Variants in FRMD6 observed in about 807,000 individuals in gnomAD.
FRMD6 encodes the protein FERM domain-containing protein 6.
FRMD6 carries 37 observed loss-of-function variants against 73.2 expected under a neutral mutation model. That is an observed-to-expected ratio of 0.51 (90% CI 0.39 to 0.66). The LOEUF (loss-of-function observed/expected upper bound fraction) is 0.66, where lower values mean the gene tolerates loss of function less well. Among genes scored for constraint, FRMD6 ranks in the 30% least tolerant of loss-of-function variants. FRMD6 has a pLI of 0.00. For synonymous variants in FRMD6, 273 were observed against 282.2 expected (o/e 0.97, Z 0.33); for missense variants, 714 against 780.5 (o/e 0.91, Z 1.02).
intron 2 of FRMD6, among the ~76,000 whole-genome samples, chr14:51,571,001 A>G (rs1465506300): frequency 6.6e-6 from 1 of 152,216 alleles, no homozygotes; most frequent in Admixed American, 6.5e-5. Flanking sequence ...AGCTTTGAGG[A>G]GGAAAATAGT....
the FRMD6 span, among the ~76,000 whole-genome samples, chr14:51,459,661 A>G: frequency 2.6e-4 from 39 of 151,900 alleles, no homozygotes; most frequent in Middle Eastern, 3.2e-3. Flanking sequence ...CCCCGTCTCC[A>G]CTAAAAATAC....
chr14:51,655,010 TCTC>T (rs1393536745), intron 1 of FRMD6, among the ~76,000 whole-genome samples: 45 of 151,676 alleles, frequency 3.0e-4, no homozygotes, highest in African/African-American at 1.0e-3. Flanking sequence ...AAATTTTGGC[TCTC>T]ATTTTTGCAA....
chr14:51,623,237 T>A lies in FRMD6; in HGVS notation c.-147+52827T>A, dbSNP rs145803393. On this transcript the variant is annotated intron_variant, in intron 2 of 14. Transcript: ENST00000356218. ...TTAAAACAAAACAAAATAAAAATAATCTTGGTGGAATTCTTGATCATATGT... is the reference window on the plus strand; with the variant it reads ...TTAAAACAAAACAAAATAAAAATAAACTTGGTGGAATTCTTGATCATATGT... Among the ~76,000 whole-genome samples, 3 of 152,282 alleles carry A rather than the reference T, an allele frequency of 2.0e-5. No homozygotes were observed. In the East Asian group the frequency reaches 5.8e-4, roughly 29 times the overall value.
chr14:51,660,104 G>A (rs1296641776), intron 1 of FRMD6, among the ~76,000 whole-genome samples: 2 of 152,182 alleles, frequency 1.3e-5, no homozygotes, highest in African/African-American at 4.8e-5. Flanking sequence ...TTGATTGTGT[G>A]TGTAAAATCT....
At chr14:51,577,099 G>A (rs916596248) in intron 2 of FRMD6, among the ~76,000 whole-genome samples, 1 of 152,106 alleles carries the variant, frequency 6.6e-6, no homozygotes, top group Non-Finnish European at 1.5e-5. Flanking sequence ...AATAACTGTT[G>A]CAAGGCATAG....
chr14:51,684,910 G>A lies in FRMD6; in HGVS notation c.-146-4781G>A, dbSNP rs182834464. ...ACCCTCCTCTGAGAAGAGCTGAGTA[G>A]AGGAGACAGACAACTGAGGAGTACT... is the stretch of plus-strand genomic sequence containing the variant. On this transcript the variant is annotated intron_variant, in intron 1 of 13. Coordinates refer to ENST00000344768, the MANE Select transcript of FRMD6 (RefSeq NM_001267046.2). Among the ~76,000 whole-genome samples the A allele has an allele frequency of 1.7e-3, 254 of 152,288 alleles. 1 individual carries two copies. The highest frequency in any genetic ancestry group is 5.5e-3 in the African/African-American group (229 of 41,564).
intron 2 of FRMD6, among the ~76,000 whole-genome samples, chr14:51,572,589 C>T (rs971104633): frequency 3.3e-5 from 5 of 152,008 alleles, no homozygotes; most frequent in South Asian, 2.1e-4. Context: ...AAACAAGTGT[C>T]CAATAAACAA....
At chr14:51,489,551 C>A (rs1352191879) in intron 1 of FRMD6, 3 of 152,268 alleles carry the variant, frequency 2.0e-5, no homozygotes, top group Admixed American at 6.5e-5. Flanking sequence ...TGTCTGCAAA[C>A]CAGCCCAAAC....
At chr14:51,711,705 T>C (rs1282266958) in intron 8 of FRMD6, 109 bp downstream of exon 8, 4 of 738,850 alleles carry the variant, frequency 5.4e-6, no homozygotes, top group Non-Finnish European at 9.6e-6. Context: ...CACTGGCTGG[T>C]CATCATTTCC....
rs1897693640 is a variant in FRMD6 at position 51,722,648 on chromosome 14, AATAC to A, written c.1492+571_1492+574del. ...AAACATGCATTCCCTATAGTTATAT[AATAC>A]ATCATATATATTTCTGTTACATGTA... On this transcript the variant is annotated intron_variant, in intron 12 of 13. Transcript: ENST00000344768. Among the ~76,000 whole-genome samples, 4 of 152,260 alleles carry A rather than the reference AATAC, an allele frequency of 2.6e-5. No homozygotes were observed. The South Asian group carries it at 8.3e-4, about 32-fold the overall frequency.
chr14:51,694,112 A>G (rs1482327693), intron 2 of FRMD6, among the ~76,000 whole-genome samples: 1 of 152,154 alleles, frequency 6.6e-6, no homozygotes, highest in East Asian at 1.9e-4. Flanking sequence ...TGCATATGGA[A>G]TAAATTTAGT....
intron 1 of FRMD6, among the ~76,000 whole-genome samples, chr14:51,659,881 T>G (rs976281221): frequency 2.6e-5 from 4 of 152,210 alleles, no homozygotes; most frequent in African/African-American, 4.8e-5. Flanking sequence ...TTTTCTGTTA[T>G]GAGGGCCAGA....
At chr14:51,711,661 G>A in intron 8 of FRMD6, 65 bp downstream of exon 8, 3 of 1,176,120 alleles carry the variant, frequency 2.6e-6, no homozygotes, top group African/African-American at 3.0e-5. Flanking sequence ...ATGCCTCTGT[G>A]GTCCTGCCAC....
intron 1 of FRMD6, among the ~76,000 whole-genome samples, chr14:51,652,666 G>T (rs192327120): frequency 6.6e-6 from 1 of 152,236 alleles, no homozygotes; most frequent in Non-Finnish European, 1.5e-5. Context: ...GGGGGCCTGG[G>T]TGAGATACGA....
chr14:51,632,600 A>T (rs1003235969), intron 2 of FRMD6, among the ~76,000 whole-genome samples: 1 of 152,188 alleles, frequency 6.6e-6, no homozygotes. Flanking sequence ...GGCTATCTGC[A>T]GTTCTCTCCA....
chr14:51,484,801 A>G (rs2140148635), upstream of FRMD6, among the ~76,000 whole-genome samples: 1 of 152,336 alleles, frequency 6.6e-6, no homozygotes, highest in South Asian at 2.1e-4. Context: ...TCATATTCAC[A>G]TCTCCCACTT....
chr14:51,567,633 C>A (rs1277738479), intron 1 of FRMD6, among the ~76,000 whole-genome samples: 1 of 152,208 alleles, frequency 6.6e-6, no homozygotes, highest in African/African-American at 2.4e-5. Context: ...AGCCACTATG[C>A]CCCGTCCCAC....
chr14:51,674,908 C>T (rs1364315859), intron 1 of FRMD6, among the ~76,000 whole-genome samples: 1 of 152,128 alleles, frequency 6.6e-6, no homozygotes, highest in Non-Finnish European at 1.5e-5. Context: ...GTTGACTTCA[C>T]ACACCAGAGA....
chr14:51,450,694 T>C, the FRMD6 span, among the ~76,000 whole-genome samples: 1 of 152,126 alleles, frequency 6.6e-6, no homozygotes, highest in Non-Finnish European at 1.5e-5. Context: ...TTTTTAAACA[T>C]TGATATATAA....
Sources: gnomAD v4.1 joint callset for allele counts (sites outside exome capture counted in the v4.1 genomes callset) on GRCh38, gnomAD v4.1.1 for gene constraint, MANE v1.5 for transcripts, NCBI Gene and HGNC (gene_info 2026-07-23, HGNC 2026-07-21) for gene names.